Variants in PDLIM5 observed in about 807,000 individuals in gnomAD.
PDLIM5 encodes PDZ and LIM domain protein 5.
PDLIM5 carries 34 observed loss-of-function variants against 64.2 expected under a neutral mutation model. That is an observed-to-expected ratio of 0.53 (90% CI 0.40 to 0.71). PDLIM5 has a LOEUF of 0.71. Ranked by LOEUF, PDLIM5 falls within the 30% of genes least tolerant of loss-of-function variation. PDLIM5 has a pLI of 0.00. For missense variants in PDLIM5, 683 were observed against 733.6 expected, an observed-to-expected ratio of 0.93 and a Z score of 0.80; for synonymous variants, 253 against 269.1, an observed-to-expected ratio of 0.94 and a Z score of 0.59.
At chr4:94,517,309 G>A (rs921531618) in intron 2 of PDLIM5, among the ~76,000 whole-genome samples, 3 of 152,136 alleles carry the variant, frequency 2.0e-5, no homozygotes, top group Admixed American at 6.5e-5. Context: ...TCACGTTTAT[G>A]GTATCCTGGG....
At chr4:94,531,859 T>C (rs1691112799) in intron 3 of PDLIM5, among the ~76,000 whole-genome samples, 1 of 152,148 alleles carries the variant, frequency 6.6e-6, no homozygotes, top group Non-Finnish European at 1.5e-5. Flanking sequence ...CCCCTGTCAG[T>C]ATTCTGTAAT....
chr4:94,516,362 TAAAG>T (rs1363915695), intron 2 of PDLIM5, among the ~76,000 whole-genome samples: 1 of 152,228 alleles, frequency 6.6e-6, no homozygotes, highest in East Asian at 1.9e-4. Flanking sequence ...GGCCCACTGT[TAAAG>T]TAAGTACTGC....
At chr4:94,626,834 G>C (rs1739736862) in intron 8 of PDLIM5, among the ~76,000 whole-genome samples, 1 of 151,718 alleles carries the variant, frequency 6.6e-6, no homozygotes, top group Admixed American at 6.6e-5. Flanking sequence ...ATATTTGTGA[G>C]ATTTGATTAG....
At chr4:94,473,862 G>A (rs1725093252) in intron 2 of PDLIM5, among the ~76,000 whole-genome samples, 1 of 152,174 alleles carries the variant, frequency 6.6e-6, no homozygotes, top group Admixed American at 6.5e-5. Flanking sequence ...AAGAGTAACT[G>A]ATTATGAATG....
At chr4:94,589,746 C>A (rs1736531808) in intron 7 of PDLIM5, among the ~76,000 whole-genome samples, 2 of 150,126 alleles carry the variant, frequency 1.3e-5, no homozygotes, top group African/African-American at 2.4e-5. Context: ...CTTTTCTTTT[C>A]TTTTCTTTTC....
intron 2 of PDLIM5, among the ~76,000 whole-genome samples, chr4:94,514,357 A>G (rs1729181260): frequency 6.6e-6 from 1 of 151,766 alleles, no homozygotes; most frequent in Admixed American, 6.6e-5. Context: ...GATGGTCTCA[A>G]TCTCCTGACC....
chr4:94,463,703 T>G, intron 2 of PDLIM5, among the ~76,000 whole-genome samples: 1 of 152,178 alleles, frequency 6.6e-6, no homozygotes. Flanking sequence ...ACCCGTGCAG[T>G]TCAAACCTGT....
intron 7 of PDLIM5, among the ~76,000 whole-genome samples, chr4:94,616,063 T>G (rs1454126652): frequency 6.6e-6 from 1 of 152,204 alleles, no homozygotes; most frequent in Non-Finnish European, 1.5e-5. Context: ...GACTACACAT[T>G]AAATGGTGAT....
chr4:94,478,961 G>A (rs544311112), intron 2 of PDLIM5, among the ~76,000 whole-genome samples: 31 of 138,892 alleles, frequency 2.2e-4, no homozygotes, highest in African/African-American at 7.3e-4. Flanking sequence ...GTGCAGTGGC[G>A]CTATCACAGC....
chr4:94,499,257 A>G (rs1400494207), intron 2 of PDLIM5, among the ~76,000 whole-genome samples: 3 of 152,186 alleles, frequency 2.0e-5, no homozygotes, highest in Non-Finnish European at 4.4e-5. Flanking sequence ...ATTACAAGAG[A>G]GAAAAAATAT....
intron 1 of PDLIM5, among the ~76,000 whole-genome samples, chr4:94,452,688 G>A (rs1722964348): frequency 6.6e-6 from 1 of 152,182 alleles, no homozygotes. Flanking sequence ...AAGGAAGGGC[G>A]TGTGGACAGG....
intron 8 of PDLIM5, among the ~76,000 whole-genome samples, chr4:94,621,841 G>A (rs1261212731): frequency 2.0e-5 from 3 of 151,980 alleles, no homozygotes; most frequent in Admixed American, 6.6e-5. Context: ...AATTTTATAT[G>A]AGCAAAACTA....
chr4:94,502,802 A>C (rs183000110), intron 2 of PDLIM5, among the ~76,000 whole-genome samples: 32 of 152,090 alleles, frequency 2.1e-4, no homozygotes, highest in African/African-American at 7.7e-4. Flanking sequence ...GCTTGAACCC[A>C]GGAGGCAGAG....
At chr4:94,644,340 A>G (rs1385034066) in intron 9 of PDLIM5, among the ~76,000 whole-genome samples, 1 of 152,168 alleles carries the variant, frequency 6.6e-6, no homozygotes, top group Non-Finnish European at 1.5e-5. Context: ...ATTTTTATTC[A>G]TGCTTTTAAC....
intron 8 of PDLIM5, among the ~76,000 whole-genome samples, chr4:94,622,581 G>T (rs893822141): frequency 1.3e-5 from 2 of 152,116 alleles, no homozygotes; most frequent in African/African-American, 4.8e-5. Flanking sequence ...CCCTTTGCAG[G>T]TATGAATTTC....
At chr4:94,607,932 A>G (rs952582007) in intron 7 of PDLIM5, 4 of 528,932 alleles carry the variant, frequency 7.6e-6, no homozygotes. Flanking sequence ...TGTGAAGTAA[A>G]AGAAAACCAA....
intron 3 of PDLIM5, among the ~76,000 whole-genome samples, chr4:94,539,846 C>A (rs2452008): frequency 0.52 from 78,873 of 151,940 alleles, 21,512 homozygotes; most frequent in African/African-American, 0.68. Flanking sequence ...GGCAAAAATA[C>A]AGATTTTTTG....
intron 12 of PDLIM5, 101 bp downstream of exon 12, chr4:94,662,638 A>G: frequency 1.9e-6 from 1 of 512,920 alleles, no homozygotes; most frequent in South Asian, 3.5e-5. Context: ...CAGTCCTTCA[A>G]ACCTAAGGAA....
At chr4:94,545,369 T>A (rs966086729) in intron 3 of PDLIM5, among the ~76,000 whole-genome samples, 5 of 152,208 alleles carry the variant, frequency 3.3e-5, no homozygotes, top group Non-Finnish European at 7.4e-5. Context: ...CCAAATAATA[T>A]TTGCTTTGCC....
Sources: allele counts gnomAD v4.1 joint callset (sites outside exome capture counted in the v4.1 genomes callset), GRCh38; gene constraint gnomAD v4.1.1; transcripts MANE v1.5; gene names NCBI Gene and HGNC (gene_info 2026-07-23, HGNC 2026-07-21).